Variants in SLC24A2 observed in about 807,000 individuals in gnomAD.
SLC24A2 encodes sodium/potassium/calcium exchanger 2.
In SLC24A2, 36 loss-of-function variants were observed where a neutral mutation model predicts 62.0. The observed-to-expected ratio is 0.58, with a 90% confidence interval of 0.44 to 0.77. The LOEUF is 0.77. Ranked by LOEUF, SLC24A2 falls within the 30% of genes least tolerant of loss-of-function variation. The probability of loss-of-function intolerance (pLI) is 0.00; values close to 1 mark genes in which losing one functional copy is unlikely to be tolerated. For synonymous variants in SLC24A2, 358 were observed against 294.0 expected (o/e 1.22, Z -2.23); for missense variants, 846 against 817.9 (o/e 1.03, Z -0.42).
At chr9:19,915,738 G>A in the SLC24A2 span, among the ~76,000 whole-genome samples, 4 of 151,860 alleles carry the variant, frequency 2.6e-5, no homozygotes, top group Admixed American at 2.0e-4. Context: ...ATCTTCTTTG[G>A]AGAACTATCT....
chr9:20,156,608 C>A, the SLC24A2 span, among the ~76,000 whole-genome samples: 1 of 151,712 alleles, frequency 6.6e-6, no homozygotes, highest in African/African-American at 2.4e-5. Context: ...AAACTCTCTC[C>A]AGTAATTCAG....
chr9:19,860,338 C>G, the SLC24A2 span, among the ~76,000 whole-genome samples: 1 of 152,142 alleles, frequency 6.6e-6, no homozygotes, highest in Non-Finnish European at 1.5e-5. Context: ...TAGACACACC[C>G]TAGACCAGAA....
chr9:19,607,147 G>T (rs560480686), intron 4 of SLC24A2, among the ~76,000 whole-genome samples: 1 of 152,300 alleles, frequency 6.6e-6, no homozygotes, highest in East Asian at 1.9e-4. Context: ...TCATATCACA[G>T]ATGATGTTTA....
the SLC24A2 span, among the ~76,000 whole-genome samples, chr9:20,108,927 G>A: frequency 6.6e-6 from 1 of 152,088 alleles, no homozygotes; most frequent in Non-Finnish European, 1.5e-5. Flanking sequence ...AAACATTTTA[G>A]TCAACAATAG....
the SLC24A2 span, among the ~76,000 whole-genome samples, chr9:19,999,325 G>A: frequency 6.6e-6 from 1 of 152,154 alleles, no homozygotes; most frequent in Non-Finnish European, 1.5e-5. Context: ...AGTTAATTGG[G>A]TGTCCTTGGG....
chr9:19,936,910 G>A, the SLC24A2 span, among the ~76,000 whole-genome samples: 1 of 152,178 alleles, frequency 6.6e-6, no homozygotes, highest in African/African-American at 2.4e-5. Flanking sequence ...GGGATGGGGT[G>A]GAGGCAGAGA....
At chr9:19,555,363 C>A (rs573021174) in intron 7 of SLC24A2, among the ~76,000 whole-genome samples, 12 of 152,160 alleles carry the variant, frequency 7.9e-5, no homozygotes, top group Admixed American at 6.5e-5. Context: ...GTCATGTAAT[C>A]GATAAGATTC....
At chr9:20,239,788 A>G in the SLC24A2 span, among the ~76,000 whole-genome samples, 1 of 152,220 alleles carries the variant, frequency 6.6e-6, no homozygotes. Flanking sequence ...AACACATAGT[A>G]GCACATAGTA....
Position 19,600,725 on chromosome 9 carries a change from G to C in SLC24A2, c.1079-3446C>G, listed in dbSNP as rs140457877. Among the ~76,000 whole-genome samples, 934 of 152,174 alleles carry C rather than the reference G, an allele frequency of 6.1e-3. 12 individuals are homozygous for C. Among genetic ancestry groups the C allele is most frequent in the African/African-American group, 0.022 (908 of 41,508 alleles). On this transcript the variant is annotated intron_variant, in intron 4 of 10. Transcript: ENST00000341998. ...ATCAGTGGTTACTGATTTCTGTCTTGTGAGGAGCTGACTCAGGCCATATTT... is the reference window on the plus strand; with the variant it reads ...ATCAGTGGTTACTGATTTCTGTCTTCTGAGGAGCTGACTCAGGCCATATTT...
At chr9:20,205,054 AT>A in the SLC24A2 span, among the ~76,000 whole-genome samples, 1 of 151,872 alleles carries the variant, frequency 6.6e-6, no homozygotes, top group Non-Finnish European at 1.5e-5. Context: ...CAAAAGTATA[AT>A]TTTTTTTAAA....
At chr9:19,533,810 G>A (rs1167804525) in intron 8 of SLC24A2, among the ~76,000 whole-genome samples, 1 of 152,190 alleles carries the variant, frequency 6.6e-6, no homozygotes, top group Non-Finnish European at 1.5e-5. Context: ...AAAGATAACT[G>A]ATACAAGGTC....
the SLC24A2 span, among the ~76,000 whole-genome samples, chr9:20,268,191 G>A: frequency 6.6e-6 from 1 of 152,210 alleles, no homozygotes. Context: ...GGTGTGAGTT[G>A]TTGACAGTAC....
intron 2 of SLC24A2, among the ~76,000 whole-genome samples, chr9:19,685,216 T>C (rs1819845436): frequency 6.6e-6 from 1 of 151,892 alleles, no homozygotes; most frequent in Non-Finnish European, 1.5e-5. Context: ...AGGTGAAAGA[T>C]CTCTACAATG....
At chr9:19,560,225 G>C (rs1172510244) in intron 7 of SLC24A2, among the ~76,000 whole-genome samples, 1 of 152,032 alleles carries the variant, frequency 6.6e-6, no homozygotes, top group Non-Finnish European at 1.5e-5. Flanking sequence ...CCAGAGAGCT[G>C]TATTCAGAAA....
the SLC24A2 span, among the ~76,000 whole-genome samples, chr9:20,003,669 G>C: frequency 6.6e-6 from 1 of 152,160 alleles, no homozygotes; most frequent in South Asian, 2.1e-4. Flanking sequence ...CTTTATGCTT[G>C]TGGGTCATAG....
At chr9:19,855,304 T>G in the SLC24A2 span, among the ~76,000 whole-genome samples, 2 of 152,180 alleles carry the variant, frequency 1.3e-5, no homozygotes, top group African/African-American at 4.8e-5. Flanking sequence ...AGGTTAATAT[T>G]TTTATGTGTG....
chr9:20,072,657 G>A, the SLC24A2 span, among the ~76,000 whole-genome samples: 6 of 151,950 alleles, frequency 3.9e-5, no homozygotes, highest in South Asian at 2.1e-4. Flanking sequence ...TGATGTAATC[G>A]CAATGATCTT....
chr9:19,590,715 C>G (rs1320610434), intron 5 of SLC24A2, among the ~76,000 whole-genome samples: 1 of 152,080 alleles, frequency 6.6e-6, no homozygotes, highest in Non-Finnish European at 1.5e-5. Context: ...CTACTCACTC[C>G]CAGCTCGTTT....
At chr9:19,518,872 C>G (rs1162553666) in intron 10 of SLC24A2, among the ~76,000 whole-genome samples, 1 of 152,088 alleles carries the variant, frequency 6.6e-6, no homozygotes, top group Non-Finnish European at 1.5e-5. Context: ...GGTATAAATT[C>G]TTGGGAAAGA....
Sources: allele counts gnomAD v4.1 joint callset (sites outside exome capture counted in the v4.1 genomes callset), GRCh38; gene constraint gnomAD v4.1.1; transcripts MANE v1.5; gene names NCBI Gene and HGNC (gene_info 2026-07-23, HGNC 2026-07-21).